Variants in RTN1 observed in about 807,000 individuals in gnomAD.
RTN1 encodes the protein reticulon 1, also known as reticulon-1.
A neutral mutation model predicts 65.5 loss-of-function variants in RTN1; 25 were observed. That is an observed-to-expected ratio of 0.38 (90% CI 0.28 to 0.53). The LOEUF is 0.53. Among genes scored for constraint, RTN1 ranks in the 20% least tolerant of loss-of-function variants. RTN1 has a pLI of 0.79. For synonymous variants in RTN1, 471 were observed against 447.6 expected, an observed-to-expected ratio of 1.05 and a Z score of -0.66; for missense variants, 983 against 1,025.4, an observed-to-expected ratio of 0.96 and a Z score of 0.57.
rs1463516402 is a variant in RTN1 at position 59,749,194 on chromosome 14, A to ATC, written c.242-2714_242-2713insGA. Among the ~76,000 whole-genome samples the ATC allele has an allele frequency of 5.5e-5, 5 of 90,188 alleles. 1 individual carries two copies. The highest frequency in any genetic ancestry group is 2.8e-4 in the East Asian group (1 of 3,614). The allele number at this position is 90,188 out of a possible 152,430, so 59.2% of individuals were successfully genotyped here. A position where few individuals can be genotyped will look rare whatever the true frequency, so the allele number is the denominator to read the frequency against. Reference sequence around the variant, plus strand: ...TATCTATCTATATATCTATCTATATATATCTATATATATATCTATATATAT... The same window carrying ATC: ...TATCTATCTATATATCTATCTATATATCTATCTATATATATATCTATATATAT... On this transcript the variant is annotated intron_variant, in intron 1 of 8. Coordinates refer to ENST00000267484, the MANE Select transcript of RTN1 (RefSeq NM_021136.3).
rs147480806 is a variant in RTN1 at position 59,825,843 on chromosome 14, C to G, written c.241+44547G>C. Among the ~76,000 whole-genome samples the G allele has an allele frequency of 3.7e-4, 57 of 152,294 alleles. No individual in the cohort carries two copies. In the East Asian group the frequency reaches 7.5e-3, roughly 20 times the overall value. On this transcript the variant is annotated intron_variant, in intron 1 of 8. Coordinates refer to ENST00000267484, the MANE Select transcript of RTN1 (RefSeq NM_021136.3). This position sits in a 1 kb window ranked among gnomAD's most constrained non-coding sequence, Gnocchi z 4.2. ...CTCAAAGTTACTTAGTGACTGAACT[C>G]AGACCAGGAGCCTATAACCTCGTTA...
At chr14:59,604,353 T>C in intron 5 of RTN1, 1 of 154,526 alleles carries the variant, frequency 6.5e-6, no homozygotes, top group Non-Finnish European at 1.4e-5. Flanking sequence ...TACTGTCTTT[T>C]TCTGCTTTTG....
At chr14:59,824,268 G>A (rs1886992751) in intron 1 of RTN1, among the ~76,000 whole-genome samples, 1 of 152,092 alleles carries the variant, frequency 6.6e-6, no homozygotes, top group South Asian at 2.1e-4. Context: ...TGAAATGATT[G>A]AAAATATTTT....
In RTN1 at chr14:59,732,358, A is replaced by G. The variant is rs1278175864; in HGVS notation, c.1016-4690T>C. Among the ~76,000 whole-genome samples, 4 of 152,220 alleles carry G rather than the reference A, an allele frequency of 2.6e-5. 1 individual carries two copies. The South Asian group carries it at 6.2e-4, about 24-fold the overall frequency. ...GAATCAGCTTCGGTCCCTGGCACTC[A>G]TGGAGAGGAACGAAAGGGGCAAATG... On this transcript the variant is annotated intron_variant, in intron 2 of 8. Transcript: ENST00000267484.
chr14:59,673,971 T>G (rs1329701805), intron 3 of RTN1, among the ~76,000 whole-genome samples: 2 of 152,218 alleles, frequency 1.3e-5, no homozygotes, highest in Non-Finnish European at 2.9e-5. Context: ...TTTACTTGTA[T>G]TCATGGTATT....
chr14:59,741,015 T>C (rs745682384), intron 2 of RTN1, among the ~76,000 whole-genome samples: 8 of 152,184 alleles, frequency 5.3e-5, no homozygotes, highest in Non-Finnish European at 5.9e-5. Flanking sequence ...AAGGTGAACA[T>C]GGGCTATTTT....
chr14:59,667,579 TA>T (rs1883407363), intron 3 of RTN1, among the ~76,000 whole-genome samples: 1 of 152,194 alleles, frequency 6.6e-6, no homozygotes, highest in Non-Finnish European at 1.5e-5. Context: ...TCACCACTCC[TA>T]TTCAACATAG....
chr14:59,734,949 G>A (rs991188646), intron 2 of RTN1, among the ~76,000 whole-genome samples: 2 of 151,884 alleles, frequency 1.3e-5, no homozygotes, highest in African/African-American at 4.8e-5. Flanking sequence ...ATTCTTCAGG[G>A]TCAAAATGAA....
At chr14:59,760,294 T>A (rs1407849899) in intron 1 of RTN1, among the ~76,000 whole-genome samples, 3 of 152,090 alleles carry the variant, frequency 2.0e-5, no homozygotes, top group Non-Finnish European at 4.4e-5. Flanking sequence ...CTAACTCTCA[T>A]GTAAGAAAAA....
At chr14:59,612,522 G>A (rs1881983474) in intron 3 of RTN1, among the ~76,000 whole-genome samples, 1 of 152,200 alleles carries the variant, frequency 6.6e-6, no homozygotes, top group African/African-American at 2.4e-5. Flanking sequence ...TTAGGCTGTA[G>A]CAAATGTTGT....
At chr14:59,719,355 C>A (rs939306873) in intron 3 of RTN1, among the ~76,000 whole-genome samples, 1 of 152,222 alleles carries the variant, frequency 6.6e-6, no homozygotes, top group African/African-American at 2.4e-5. Context: ...GCTCTTGCCA[C>A]AGTTGACTTC....
rs12436049 is a variant in RTN1 at position 59,662,406 on chromosome 14, C to T, written c.1766-54914G>A. On this transcript the variant is annotated intron_variant, in intron 3 of 8. Coordinates refer to ENST00000267484, the MANE Select transcript of RTN1 (RefSeq NM_021136.3). Reference sequence around the variant, plus strand: ...ATTCCCACCTATGAGTGAGAACATGCGGTGTTTGTTTTTTTGTCCTTGTGA... The same window carrying T: ...ATTCCCACCTATGAGTGAGAACATGTGGTGTTTGTTTTTTTGTCCTTGTGA... Among the ~76,000 whole-genome samples, 1,763 of 148,182 alleles carry T rather than the reference C, an allele frequency of 0.012. 129 individuals carry two copies. In the East Asian group the frequency reaches 0.23, roughly 19 times the overall value.
intron 1 of RTN1, among the ~76,000 whole-genome samples, chr14:59,776,072 G>A (rs935903434): frequency 1.5e-4 from 23 of 152,112 alleles, no homozygotes; most frequent in African/African-American, 5.6e-4. Flanking sequence ...TTTTTACTCT[G>A]TAGTCAAAAG....
In RTN1 at chr14:59,698,559, T is replaced by C. The variant is rs967051020; in HGVS notation, c.1765+28360A>G. On this transcript the variant is annotated intron_variant, in intron 3 of 8. Coordinates refer to ENST00000267484, the MANE Select transcript of RTN1 (RefSeq NM_021136.3). ...TTGCTAGTGAATAAGTCTCATGAGA[T>C]CTGTTGGTTTTAAAAAGAGGAGTTC... 7.2e-5 allele frequency among the ~76,000 whole-genome samples: 11 copies of C among 152,176 alleles called. 1 individual carries two copies. Among genetic ancestry groups the C allele is most frequent in the Admixed American group, 2.0e-4 (3 of 15,274 alleles).
intron 3 of RTN1, among the ~76,000 whole-genome samples, chr14:59,608,082 T>C (rs1252556372): frequency 6.6e-6 from 1 of 152,050 alleles, no homozygotes; most frequent in East Asian, 1.9e-4. Context: ...AAAAATTACA[T>C]GCAAAAGAGT....
chr14:59,669,419 C>A (rs574793436), intron 3 of RTN1, among the ~76,000 whole-genome samples: 7 of 151,792 alleles, frequency 4.6e-5, no homozygotes, highest in African/African-American at 1.4e-4. Context: ...ATCACTTGGA[C>A]ACAGGGCAGG....
rs751666960 is a variant in RTN1, at chr14:59,829,066, G to A, written c.241+41324C>T. 1.6e-4 allele frequency among the ~76,000 whole-genome samples: 25 copies of A among 152,066 alleles called. No homozygotes were observed. The highest frequency in any genetic ancestry group is 2.8e-4 in the Non-Finnish European group (19 of 68,034). ...GCAGCTGAATAATGATGGACTTTAG[G>A]ACACTTAACCCCTCTAAGTCTCCAG... On this transcript the variant is annotated intron_variant, in intron 1 of 8. Coordinates refer to ENST00000267484, the MANE Select transcript of RTN1 (RefSeq NM_021136.3). The surrounding 1 kb of genome is among the most constrained non-coding windows in gnomAD (Gnocchi z 4.3).
At chr14:59,666,732 T>C (rs1883383673) in intron 3 of RTN1, among the ~76,000 whole-genome samples, 1 of 151,614 alleles carries the variant, frequency 6.6e-6, no homozygotes, top group Non-Finnish European at 1.5e-5. Flanking sequence ...AAGATTCAAA[T>C]AGATGCAATA....
At chr14:59,750,049 A>C (rs1324954684) in intron 1 of RTN1, among the ~76,000 whole-genome samples, 1 of 37,944 alleles carries the variant, frequency 2.6e-5, no homozygotes, top group Admixed American at 5.7e-4. Flanking sequence ...ATTATATATT[A>C]TATTATATAC....
Sources: allele counts gnomAD v4.1 joint callset (sites outside exome capture counted in the v4.1 genomes callset), GRCh38; gene constraint gnomAD v4.1.1; non-coding constraint Gnocchi (gnomAD v3.1); transcripts MANE v1.5; gene names NCBI Gene and HGNC (gene_info 2026-07-23, HGNC 2026-07-21).